RPN1: variants seen among roughly 807,000 people sequenced by gnomAD.
RPN1 encodes the protein ribophorin I.
RPN1 carries 12 observed loss-of-function variants against 55.5 expected under a neutral mutation model. The ratio of observed to expected loss-of-function variants is 0.22; its 90% confidence interval spans 0.14 to 0.35. The LOEUF is 0.35. RPN1 is among the 10% of genes least tolerant of loss of function. The pLI is 1.00. For missense variants in RPN1, 679 were observed against 761.3 expected, an observed-to-expected ratio of 0.89 and a Z score of 1.27; for synonymous variants, 317 against 305.9, an observed-to-expected ratio of 1.04 and a Z score of -0.38.
chr3:128,639,918 C>T (rs1286515361), intron 2 of RPN1, among the ~76,000 whole-genome samples: 6 of 152,228 alleles, frequency 3.9e-5, no homozygotes, highest in Admixed American at 3.9e-4. Flanking sequence ...TTGTATCATC[C>T]TCATATCAAG....
At chr3:128,644,800 A>C in intron 2 of RPN1, 119 bp downstream of exon 2, 1 of 682,164 alleles carries the variant, frequency 1.5e-6, no homozygotes, top group South Asian at 1.7e-5. Context: ...CTCTACAAAA[A>C]AAAAACCCTG....
intron 3 of RPN1, among the ~76,000 whole-genome samples, chr3:128,635,644 T>TATATATATATATATATAG (rs1559755837): frequency 6.5e-5 from 5 of 76,352 alleles, no homozygotes; most frequent in Non-Finnish European, 1.3e-4. Context: ...TATATAGATA[T>TATATATATATATATATAG]ATATATATAT....
chr3:128,646,222 C>CAAA lies in RPN1; in HGVS notation c.262-1242_262-1240dup, dbSNP rs397803037. Among the ~76,000 whole-genome samples, 205 of 67,510 alleles carry CAAA rather than the reference C, an allele frequency of 3.0e-3. 1 individual carries two copies. Among genetic ancestry groups the CAAA allele is most frequent in the African/African-American group, 4.5e-3 (78 of 17,460 alleles). 44.3% of individuals were successfully genotyped at this position (67,510 alleles called of 152,430 possible). On this transcript the variant is annotated intron_variant, in intron 1 of 9. Transcript: ENST00000296255. ...TGGTCGACAGAGTGAGACTCCGTCTCAAAAAAAAAAAAAAAAAAAAAAGTC... is the reference window on the plus strand; with the variant it reads ...TGGTCGACAGAGTGAGACTCCGTCTCAAAAAAAAAAAAAAAAAAAAAAAAAGTC...
At chr3:128,634,437 A>G (rs970835050) in intron 3 of RPN1, among the ~76,000 whole-genome samples, 2 of 152,170 alleles carry the variant, frequency 1.3e-5, no homozygotes, top group Non-Finnish European at 2.9e-5. Context: ...ATATGACAAT[A>G]AGCATAATAA....
chr3:128,634,563 C>CT (rs374113354), intron 3 of RPN1, among the ~76,000 whole-genome samples: 29,424 of 135,590 alleles, frequency 0.22, 3,393 homozygotes, highest in East Asian at 0.43. Flanking sequence ...CTCCATAAAC[C>CT]TTTTTTTTTT....
intron 8 of RPN1, among the ~76,000 whole-genome samples, chr3:128,622,720 C>T (rs1209637606): frequency 1.3e-5 from 2 of 151,894 alleles, no homozygotes; most frequent in African/African-American, 4.8e-5. Context: ...TGGTGACATC[C>T]CATCTCTACT....
intron 8 of RPN1, among the ~76,000 whole-genome samples, chr3:128,623,319 T>G (rs2069573983): frequency 1.3e-5 from 2 of 152,258 alleles, no homozygotes; most frequent in East Asian, 3.9e-4. Flanking sequence ...GGCAGATTGC[T>G]TGAGTCCAGG....
rs1344093936 is a variant in RPN1 at position 128,637,836 on chromosome 3, T to C, written c.596A>G (p.Asp199Gly). ...GNPTRSEDLL[D>G]YGPFRDVPAY... Reference sequence around the variant, plus strand: ...AGGCACATCTCTGAAAGGCCCATAATCCAGTAGGTCCTCAGAGCGCGTGGG... The same window carrying C: ...AGGCACATCTCTGAAAGGCCCATAACCCAGTAGGTCCTCAGAGCGCGTGGG... Residue 199 changes from aspartate to glycine, a missense_variant, in exon 3 of 10, where the codon GAT (aspartate) becomes GGT (glycine). Coordinates refer to ENST00000296255, the MANE Select transcript of RPN1 (RefSeq NM_002950.4). The C allele has an allele frequency of 6.2e-7, 1 of 1,613,418 alleles. No individual in the cohort carries two copies. Among genetic ancestry groups the C allele is most frequent in the African/African-American group, 1.3e-5 (1 of 74,916 alleles).
chr3:128,631,597 C>T (rs2069642499), intron 4 of RPN1, among the ~76,000 whole-genome samples: 1 of 152,006 alleles, frequency 6.6e-6, no homozygotes, highest in African/African-American at 2.4e-5. Flanking sequence ...CAAAAATTAG[C>T]CAGGTGTAGT....
At chr3:128,643,465 A>C (rs1306326867) in intron 2 of RPN1, among the ~76,000 whole-genome samples, 1 of 152,098 alleles carries the variant, frequency 6.6e-6, no homozygotes, top group East Asian at 1.9e-4. Context: ...GAAGTTCGAG[A>C]CCAGCCTGGC....
At chr3:128,632,286 T>C in intron 3 of RPN1, 129 bp from the exon 4 acceptor site, 3 of 728,432 alleles carry the variant, frequency 4.1e-6, no homozygotes, top group Non-Finnish European at 6.8e-6. Flanking sequence ...ATCTAACGTA[T>C]GCAACATTTT....
At chr3:128,626,880 T>C (rs778634507) in intron 5 of RPN1, 48 bp from the exon 6 acceptor site, 16 of 1,548,744 alleles carry the variant, frequency 1.0e-5, no homozygotes, top group Middle Eastern at 1.7e-4. Flanking sequence ...ACGGATCAAA[T>C]GGGCAGGAGA....
intron 5 of RPN1, among the ~76,000 whole-genome samples, chr3:128,627,976 G>GAAAAAAGATAGAAATCAGGAATAAATTTA (rs2069612309): frequency 1.3e-5 from 2 of 152,072 alleles, no homozygotes; most frequent in African/African-American, 2.4e-5. Flanking sequence ...GAAAAATTCA[G>GAAAAAAGATAGAAATCAGGAATAAATTTA]GCCGGGCGCG....
Position 128,624,482 on chromosome 3 carries a change from G to GAAAAAA in RPN1, c.1395+1046_1395+1051dup, listed in dbSNP as rs1349550876. On this transcript the variant is annotated intron_variant, in intron 8 of 9. Transcript: ENST00000296255. Reference sequence around the variant, plus strand: ...GCAACAGAGCAAGACTCCGTCTCAGGAAAAAAAAAAAAGAAAACGAAAAGA... The same window carrying GAAAAAA: ...GCAACAGAGCAAGACTCCGTCTCAGGAAAAAAAAAAAAAAAAAAGAAAACGAAAAGA... Among the ~76,000 whole-genome samples, 561 of 129,222 alleles carry GAAAAAA rather than the reference G, an allele frequency of 4.3e-3. 6 individuals are homozygous for GAAAAAA. Among genetic ancestry groups the GAAAAAA allele is most frequent in the African/African-American group, 0.015 (533 of 35,282 alleles). The allele number at this position is 129,222 out of a possible 152,430, so 84.8% of individuals were successfully genotyped here.
intron 1 of RPN1, 68 bp downstream of exon 1, chr3:128,650,472 C>T (rs2069809042): frequency 1.4e-6 from 2 of 1,446,416 alleles, no homozygotes; most frequent in African/African-American, 1.4e-5. Context: ...CGGGCGGAGT[C>T]GGGGGACCGC....
Position 128,650,815 on chromosome 3 carries a change from G to A in RPN1, c.-15C>T. 6.7e-7 allele frequency: 1 copy of A among 1,497,904 alleles called. No individual in the cohort carries two copies. Among genetic ancestry groups the A allele is most frequent in the African/African-American group, 1.4e-5 (1 of 71,556 alleles). The allele number at this position is 1,497,904 out of a possible 1,614,324, so 92.8% of individuals were successfully genotyped here. A position where few individuals can be genotyped will look rare whatever the true frequency, so the allele number is the denominator to read the frequency against. The stretch of plus-strand genomic sequence containing the variant: ...GGCGCCTCCATGACCGGGAAGAGCA[G>A]TGCGCCAGGGCGGGTAGGGCCCGGG... On this transcript the variant is annotated 5_prime_UTR_variant, in exon 1 of 10. Transcript: ENST00000296255.
At chr3:128,626,901 C>T (rs2069603502) in intron 5 of RPN1, 69 bp from the exon 6 acceptor site, 1 of 1,380,374 alleles carries the variant, frequency 7.2e-7, no homozygotes, top group Non-Finnish European at 1.0e-6. Flanking sequence ...GAAAGAAGTA[C>T]AGGGGCTCAC....
At chr3:128,629,315 C>G (rs2069625111) in intron 5 of RPN1, among the ~76,000 whole-genome samples, 1 of 152,088 alleles carries the variant, frequency 6.6e-6, no homozygotes, top group Non-Finnish European at 1.5e-5. Context: ...AATCCTAGCA[C>G]TTTGGGAGGC....
chr3:128,631,869 G>T, intron 4 of RPN1, 79 bp downstream of exon 4: 1 of 1,458,366 alleles, frequency 6.9e-7, no homozygotes, highest in Non-Finnish European at 9.6e-7. Flanking sequence ...TAAATATTTA[G>T]CTAGTTTCGA....
Sources: gnomAD v4.1 joint callset for allele counts (sites outside exome capture counted in the v4.1 genomes callset) on GRCh38, gnomAD v4.1.1 for gene constraint, MANE v1.5 for transcripts, NCBI Gene and HGNC (gene_info 2026-07-23, HGNC 2026-07-21) for gene names.